EBF2: variants seen among roughly 807,000 people sequenced by gnomAD.
EBF2 encodes EBF transcription factor 2, also known as transcription factor COE2.
In EBF2, 21 loss-of-function variants were observed where a neutral mutation model predicts 72.8. The ratio of observed to expected loss-of-function variants is 0.29; its 90% confidence interval spans 0.20 to 0.42. EBF2 has a LOEUF of 0.42. EBF2 is among the 10% of genes least tolerant of loss of function. The pLI, the probability that EBF2 is intolerant of heterozygous loss-of-function variation, is 1.00. For synonymous variants in EBF2, 299 were observed against 274.2 expected (o/e 1.09, Z -0.89); for missense variants, 637 against 731.2 (o/e 0.87, Z 1.49).
At chr8:25,882,334 A>C (rs1405644348) in intron 10 of EBF2, among the ~76,000 whole-genome samples, 3 of 152,182 alleles carry the variant, frequency 2.0e-5, no homozygotes, top group Non-Finnish European at 4.4e-5. Context: ...AGTAATAATA[A>C]GAATAATATA....
chr8:25,859,717 T>A (rs1338259723), intron 13 of EBF2, among the ~76,000 whole-genome samples: 2 of 151,162 alleles, frequency 1.3e-5, no homozygotes. Context: ...ATGTCCTGTC[T>A]AGTCTTTTTT....
At chr8:25,910,032 G>A (rs1803101121) in intron 6 of EBF2, among the ~76,000 whole-genome samples, 1 of 152,192 alleles carries the variant, frequency 6.6e-6, no homozygotes, top group Non-Finnish European at 1.5e-5. Context: ...CTTTATGGAA[G>A]AGACCTGCGG....
intron 14 of EBF2, among the ~76,000 whole-genome samples, chr8:25,853,480 A>G (rs956892917): frequency 1.4e-5 from 2 of 146,252 alleles, no homozygotes; most frequent in African/African-American, 5.1e-5. Flanking sequence ...AAAAGATCTT[A>G]TTTTCCACTC....
chr8:25,864,815 T>G (rs77820628), intron 10 of EBF2, among the ~76,000 whole-genome samples: 1 of 147,788 alleles, frequency 6.8e-6, no homozygotes, highest in Non-Finnish European at 1.5e-5. Flanking sequence ...TTTTTTTTTT[T>G]GAGACAGAGT....
intron 7 of EBF2, among the ~76,000 whole-genome samples, chr8:25,905,211 G>A (rs1441296734): frequency 6.6e-6 from 1 of 152,144 alleles, no homozygotes; most frequent in East Asian, 1.9e-4. Context: ...TGTTGGCGAG[G>A]AATTGACACC....
chr8:25,941,372 AT>A (rs1428557008), intron 6 of EBF2, among the ~76,000 whole-genome samples: 1 of 151,776 alleles, frequency 6.6e-6, no homozygotes, highest in African/African-American at 2.4e-5. Flanking sequence ...TGCCTGGCTA[AT>A]TTTTGTATTT....
chr8:26,040,573 G>T (rs2117266078), intron 4 of EBF2, 43 bp downstream of exon 4: 2 of 1,543,214 alleles, frequency 1.3e-6, no homozygotes, highest in Middle Eastern at 1.7e-4. Context: ...TGGGGGTCGG[G>T]GTCAGAGACA....
intron 6 of EBF2, among the ~76,000 whole-genome samples, chr8:26,015,566 G>T (rs1026970103): frequency 6.6e-6 from 1 of 152,314 alleles, no homozygotes; most frequent in Non-Finnish European, 1.5e-5. Flanking sequence ...TTCGGATAGG[G>T]CGACATGGAG....
chr8:25,871,129 C>G (rs1436257939), intron 10 of EBF2, among the ~76,000 whole-genome samples: 1 of 152,148 alleles, frequency 6.6e-6, no homozygotes, highest in African/African-American at 2.4e-5. Context: ...TTTTGCGTCT[C>G]TTAGATTCAG....
At chr8:25,932,864 T>C (rs1439571167) in intron 6 of EBF2, among the ~76,000 whole-genome samples, 1 of 152,136 alleles carries the variant, frequency 6.6e-6, no homozygotes, top group East Asian at 1.9e-4. Context: ...AACTTAATAA[T>C]AACAGCTGTT....
chr8:25,941,819 C>T (rs1252482489), intron 6 of EBF2, among the ~76,000 whole-genome samples: 1 of 152,178 alleles, frequency 6.6e-6, no homozygotes, highest in Non-Finnish European at 1.5e-5. Flanking sequence ...CTCGCTAATT[C>T]ATTATTTATG....
intron 6 of EBF2, among the ~76,000 whole-genome samples, chr8:25,933,829 TTAAA>T (rs771802352): frequency 1.3e-5 from 2 of 152,152 alleles, no homozygotes; most frequent in African/African-American, 2.4e-5. Flanking sequence ...ACATTTTTGT[TTAAA>T]TACAGAGAGA....
At chr8:25,928,100 A>T (rs1205330684) in intron 6 of EBF2, among the ~76,000 whole-genome samples, 1 of 152,200 alleles carries the variant, frequency 6.6e-6, no homozygotes, top group Non-Finnish European at 1.5e-5. Context: ...GGTTTCCCCT[A>T]ATTAAAAGGG....
At chr8:26,005,320 T>TATATATA (rs1563205671) in intron 6 of EBF2, among the ~76,000 whole-genome samples, 5 of 236 alleles carry the variant, frequency 0.021, no homozygotes, top group African/African-American at 0.03. Flanking sequence ...TATTATATAT[T>TATATATA]ATATATAATT....
intron 6 of EBF2, among the ~76,000 whole-genome samples, chr8:25,955,275 T>TA (rs1405567472): frequency 6.6e-6 from 1 of 152,188 alleles, no homozygotes; most frequent in Admixed American, 6.5e-5. Flanking sequence ...TCTAGGAAGT[T>TA]AATTCTGGGG....
chr8:25,911,641 GTTCT>G (rs1164482087), intron 6 of EBF2, among the ~76,000 whole-genome samples: 2 of 152,170 alleles, frequency 1.3e-5, no homozygotes, highest in South Asian at 2.1e-4. Flanking sequence ...GATCTGTAGG[GTTCT>G]TTCTAACATT....
At chr8:25,939,483 C>T (rs1383262023) in intron 6 of EBF2, among the ~76,000 whole-genome samples, 1 of 151,924 alleles carries the variant, frequency 6.6e-6, no homozygotes, top group Non-Finnish European at 1.5e-5. Flanking sequence ...CTGGGTCAGC[C>T]CAAAAAACCT....
intron 14 of EBF2, among the ~76,000 whole-genome samples, chr8:25,852,354 G>A (rs973688202): frequency 2.6e-5 from 4 of 152,136 alleles, no homozygotes; most frequent in South Asian, 2.1e-4. Context: ...TTTTCTCTAC[G>A]GTACAGAATT....
chr8:25,907,419 CAAAAAAAAAAAAA>C (rs55695734), intron 7 of EBF2, among the ~76,000 whole-genome samples: 28 of 28,894 alleles, frequency 9.7e-4, no homozygotes, highest in South Asian at 6.5e-3. Context: ...GACCCTGCCT[CAAAAAAAAAAAAA>C]AAAAAAAAAA....
Sources: allele counts gnomAD v4.1 joint callset (sites outside exome capture counted in the v4.1 genomes callset), GRCh38; gene constraint gnomAD v4.1.1; transcripts MANE v1.5; gene names NCBI Gene and HGNC (gene_info 2026-07-23, HGNC 2026-07-21).